WDPCP: variants seen among roughly 807,000 people sequenced by gnomAD.
WDPCP encodes WD repeat-containing and planar cell polarity effector protein fritz homolog.
A neutral mutation model predicts 93.1 loss-of-function variants in WDPCP; 71 were observed. That is an observed-to-expected ratio of 0.76 (90% CI 0.63 to 0.93). WDPCP has a LOEUF of 0.93. Ranked by LOEUF, WDPCP falls within the 40% of genes least tolerant of loss-of-function variation. The pLI is 0.00. For missense variants in WDPCP, 844 were observed against 887.4 expected (o/e 0.95, Z 0.62); for synonymous variants, 315 against 315.0 (o/e 1.00, Z 0.00).
At chr2:63,532,687 C>T (rs1428500402) in intron 1 of WDPCP, among the ~76,000 whole-genome samples, 2 of 152,172 alleles carry the variant, frequency 1.3e-5, no homozygotes, top group African/African-American at 2.4e-5. Flanking sequence ...CCAGGCTTGC[C>T]TTACAAGATC....
rs190382653 is a variant in WDPCP, at chr2:63,755,252, G to A, written n.308+58370C>T. On this transcript the variant is annotated intron_variant and non_coding_transcript_variant, in intron 2 of 4. Coordinates refer to the WDPCP transcript ENST00000467687. Reference sequence around the variant, plus strand: ...GGAGGGAATTATACAGGGACCATGAGCCAAGAATCACTGACAGCCATCTCA... The same window carrying A: ...GGAGGGAATTATACAGGGACCATGAACCAAGAATCACTGACAGCCATCTCA... 3.5e-4 allele frequency among the ~76,000 whole-genome samples: 54 copies of A among 152,302 alleles called. No homozygotes were observed. In the East Asian group the frequency reaches 9.6e-3, roughly 27 times the overall value.
rs981467947 is a variant in WDPCP at position 63,826,187 on chromosome 2, T to C, written n.222+1435A>G. On this transcript the variant is annotated intron_variant and non_coding_transcript_variant, in intron 1 of 4. Transcript: ENST00000467687. ...AAATAACACATTAACAAGTATGGTG[T>C]CTTACTTCTTATAATAGGATACAGG... is the stretch of plus-strand genomic sequence containing the variant. Among the ~76,000 whole-genome samples, 13 of 151,998 alleles carry C rather than the reference T, an allele frequency of 8.6e-5. 1 individual carries two copies. Among genetic ancestry groups the C allele is most frequent in the African/African-American group, 3.1e-4 (13 of 41,376 alleles).
At chr2:63,567,671 G>GT (rs1273350792) in intron 1 of WDPCP, among the ~76,000 whole-genome samples, 4 of 151,962 alleles carry the variant, frequency 2.6e-5, no homozygotes, top group Non-Finnish European at 5.9e-5. Flanking sequence ...GACATCCCTT[G>GT]TTTTTTTCCC....
At chr2:63,695,937 T>C (rs1414031429) in intron 2 of WDPCP, among the ~76,000 whole-genome samples, 1 of 152,152 alleles carries the variant, frequency 6.6e-6, no homozygotes, top group Non-Finnish European at 1.5e-5. Flanking sequence ...ATCCACTCAC[T>C]TGATAGAAAC....
Position 63,174,794 on chromosome 2 carries a change from C to A in WDPCP, c.1954G>T (p.Glu652Ter). The A allele has an allele frequency of 1.2e-6, 2 of 1,613,910 alleles. No homozygotes were observed. Among genetic ancestry groups the A allele is most frequent in the Non-Finnish European group, 1.7e-6 (2 of 1,179,898 alleles). ...GCTAAAGACAGGCCAATAAATGCTT[C>A]ATTTAGCATATCCCCTCTGTCCAAG... The part of the protein sequence containing the change: ...GPLDRGDMLN[E>*]AFIGLSLAPQ... The change falls in exon 15 of 18, where the codon GAA (glutamate) becomes TAA (stop). Residue 652 changes from glutamate to a stop codon, truncating the protein, a stop_gained. Coordinates refer to ENST00000272321, the MANE Select transcript of WDPCP (RefSeq NM_015910.7). LOFTEE classifies it high-confidence loss of function.
chr2:63,398,665 A>C (rs1203640731), intron 10 of WDPCP, among the ~76,000 whole-genome samples: 1 of 152,160 alleles, frequency 6.6e-6, no homozygotes, highest in East Asian at 1.9e-4. Context: ...ATATGAAAGC[A>C]TTCTATTTTA....
intron 2 of WDPCP, among the ~76,000 whole-genome samples, chr2:63,738,813 C>T (rs1669674552): frequency 1.3e-5 from 2 of 152,158 alleles, no homozygotes; most frequent in African/African-American, 4.8e-5. Context: ...ACTGAACACA[C>T]TCATGTAACT....
At chr2:63,800,861 C>G (rs1670684310) in intron 2 of WDPCP, among the ~76,000 whole-genome samples, 1 of 151,910 alleles carries the variant, frequency 6.6e-6, no homozygotes. Context: ...CAAGGCCAGC[C>G]TGGGCAACAG....
chr2:63,700,425 T>A (rs1358003151), intron 2 of WDPCP, among the ~76,000 whole-genome samples: 1 of 149,782 alleles, frequency 6.7e-6, no homozygotes, highest in Non-Finnish European at 1.5e-5. Flanking sequence ...CAAGGAAAAA[T>A]CAAGTGAGTC....
At chr2:63,736,505 CT>C (rs1391881882) in intron 2 of WDPCP, among the ~76,000 whole-genome samples, 4 of 152,000 alleles carry the variant, frequency 2.6e-5, no homozygotes, top group South Asian at 2.1e-4. Context: ...TAATACCAAA[CT>C]TTTTTTTATT....
intron 12 of WDPCP, among the ~76,000 whole-genome samples, chr2:63,336,067 T>C (rs1225776505): frequency 6.6e-6 from 1 of 152,166 alleles, no homozygotes; most frequent in East Asian, 1.9e-4. Flanking sequence ...CATCAAGAAA[T>C]AACCATAAAA....
chr2:63,796,951 T>C (rs1011481888), intron 2 of WDPCP, among the ~76,000 whole-genome samples: 1 of 151,930 alleles, frequency 6.6e-6, no homozygotes, highest in Non-Finnish European at 1.5e-5. Flanking sequence ...TCCTTCTGCT[T>C]GAGAAAGGGA....
chr2:63,640,220 G>A (rs1709966271), intron 3 of WDPCP, among the ~76,000 whole-genome samples: 1 of 152,160 alleles, frequency 6.6e-6, no homozygotes, highest in Admixed American at 6.5e-5. Context: ...GTGTTAGCCA[G>A]GATGGTGTCG....
intron 14 of WDPCP, among the ~76,000 whole-genome samples, chr2:63,258,517 G>C (rs938848494): frequency 6.7e-6 from 1 of 149,752 alleles, no homozygotes; most frequent in African/African-American, 2.4e-5. Context: ...GGAAAGGCTT[G>C]TATAAGATTT....
intron 9 of WDPCP, among the ~76,000 whole-genome samples, chr2:63,411,366 G>A (rs1033326575): frequency 1.3e-5 from 2 of 151,994 alleles, no homozygotes; most frequent in Non-Finnish European, 2.9e-5. Context: ...AAAAACCTCT[G>A]GGATACAGCA....
intron 12 of WDPCP, among the ~76,000 whole-genome samples, chr2:63,368,593 T>C (rs1691126871): frequency 1.3e-5 from 2 of 151,706 alleles, no homozygotes; most frequent in Non-Finnish European, 2.9e-5. Flanking sequence ...CTCAAAGTGC[T>C]GGGATTATAG....
intron 14 of WDPCP, among the ~76,000 whole-genome samples, chr2:63,226,622 G>T (rs1464336986): frequency 6.6e-6 from 1 of 151,722 alleles, no homozygotes; most frequent in Non-Finnish European, 1.5e-5. Context: ...CAAATACCTA[G>T]ATTATTAGCT....
chr2:63,413,862 A>C (rs544027938), intron 9 of WDPCP, among the ~76,000 whole-genome samples: 4 of 152,198 alleles, frequency 2.6e-5, no homozygotes, highest in Non-Finnish European at 4.4e-5. Flanking sequence ...GCTTTTGCAA[A>C]GAACAAAAGG....
At chr2:63,622,215 G>A (rs900290502) in intron 3 of WDPCP, 14 of 1,604,780 alleles carry the variant, frequency 8.7e-6, no homozygotes, top group Admixed American at 8.5e-5. Flanking sequence ...CTTGGTGGCC[G>A]CCTTGCTGGC....
Sources: gnomAD v4.1 joint callset for allele counts (sites outside exome capture counted in the v4.1 genomes callset) on GRCh38, gnomAD v4.1.1 for gene constraint, MANE v1.5 for transcripts, NCBI Gene and HGNC (gene_info 2026-07-23, HGNC 2026-07-21) for gene names.